Variants in TXN2 observed in about 807,000 individuals in gnomAD.
TXN2 encodes the protein thioredoxin 2.
Under a neutral mutation model 14.6 loss-of-function variants are expected in TXN2, and 12 were observed. That is an observed-to-expected ratio of 0.82 (90% CI 0.53 to 1.33). The LOEUF is 1.33. TXN2 is among the 40% of genes most tolerant of loss of function. The probability of loss-of-function intolerance (pLI) is 0.00; values close to 1 mark genes in which losing one functional copy is unlikely to be tolerated. For synonymous variants in TXN2, 89 were observed against 81.0 expected (o/e 1.10, Z -0.53); for missense variants, 173 against 207.7 (o/e 0.83, Z 1.03).
At chr22:36,471,740 A>G (rs1244657942) in intron 3 of TXN2, among the ~76,000 whole-genome samples, 36 of 152,288 alleles carry the variant, frequency 2.4e-4, no homozygotes, top group Admixed American at 2.0e-3. Flanking sequence ...AGGCTGAGGA[A>G]GGTGAATCAT....
chr22:36,472,489 C>T (rs1933301447), intron 3 of TXN2, among the ~76,000 whole-genome samples: 1 of 152,174 alleles, frequency 6.6e-6, no homozygotes, highest in East Asian at 1.9e-4. Context: ...AATGGACCAC[C>T]CTGGTATGGG....
At chr22:36,480,191 T>TG (rs2145828316) in intron 2 of TXN2, among the ~76,000 whole-genome samples, 1 of 152,316 alleles carries the variant, frequency 6.6e-6, no homozygotes, top group Admixed American at 6.5e-5. Context: ...CCGACACTGA[T>TG]AACTTTTTGC....
intron 3 of TXN2, among the ~76,000 whole-genome samples, chr22:36,468,201 G>A (rs1325775566): frequency 6.6e-6 from 1 of 152,198 alleles, no homozygotes; most frequent in Non-Finnish European, 1.5e-5. Context: ...TGGAATGACA[G>A]GAGAGATGAA....
At chr22:36,469,127 A>G (rs1246682704) in intron 3 of TXN2, among the ~76,000 whole-genome samples, 1 of 152,246 alleles carries the variant, frequency 6.6e-6, no homozygotes, top group Non-Finnish European at 1.5e-5. Flanking sequence ...CCTACCAGCC[A>G]GGTGAGCTGG....
chr22:36,481,342 A>G (rs1933498501), intron 1 of TXN2: 1 of 154,998 alleles, frequency 6.5e-6, no homozygotes. Context: ...GGAGGAACTA[A>G]GAGTGTGAGA....
At chr22:36,468,717 C>A (rs893078257) in intron 3 of TXN2, 1 of 425,922 alleles carries the variant, frequency 2.3e-6, no homozygotes, top group South Asian at 1.6e-5. Flanking sequence ...AGAGACCCTG[C>A]CTCAAAAAAA....
chr22:36,480,666 A>C lies in TXN2; in HGVS notation c.172T>G (p.Ser58Ala). The change falls in exon 2 of 4, where the codon TCC becomes GCC. Residue 58 changes from serine (S) to alanine (A), a missense_variant. Transcript: ENST00000216185. ...TCCTGGATATTAAAGGTTGTCAAGG[A>C]GATCCTCGTGGTGTATATTGTCCGG... Reference protein sequence around the residue: ...PARTIYTTRISLTTFNIQDGP... With the variant: ...PARTIYTTRIALTTFNIQDGP... The C allele has an allele frequency of 1.2e-6, 2 of 1,614,172 alleles. No individual in the cohort carries two copies. The highest frequency in any genetic ancestry group is 1.7e-6 in the Non-Finnish European group (2 of 1,180,040).
chr22:36,474,138 G>T (rs1933339830), intron 3 of TXN2, among the ~76,000 whole-genome samples: 1 of 152,142 alleles, frequency 6.6e-6, no homozygotes, highest in African/African-American at 2.4e-5. Flanking sequence ...CATCCAAATG[G>T]GCAGATAGAT....
At chr22:36,477,858 C>G (rs973196026) in intron 2 of TXN2, among the ~76,000 whole-genome samples, 1 of 152,124 alleles carries the variant, frequency 6.6e-6, no homozygotes, top group Non-Finnish European at 1.5e-5. Context: ...TTTCTTTGGC[C>G]GGGTGCGGTG....
intron 1 of TXN2, 148 bp from the exon 2 acceptor site, chr22:36,480,985 T>A: frequency 2.2e-6 from 2 of 898,044 alleles, no homozygotes; most frequent in Non-Finnish European, 3.1e-6. Context: ...AGCGTGGAAG[T>A]GAGGAAGCAA....
chr22:36,471,842 C>T (rs10222216), intron 3 of TXN2, among the ~76,000 whole-genome samples: 8,507 of 151,970 alleles, frequency 0.056, 336 homozygotes, highest in Non-Finnish European at 0.085. Context: ...TGGTGGCTCA[C>T]GCCTGTAATT....
intron 3 of TXN2, 41 bp from the exon 4 acceptor site, chr22:36,467,958 G>A: frequency 6.5e-7 from 1 of 1,546,554 alleles, no homozygotes; most frequent in Non-Finnish European, 8.9e-7. Flanking sequence ...AATTGGGAGT[G>A]AATACTTCTC....
chr22:36,471,356 CG>C (rs1182757609), intron 3 of TXN2, among the ~76,000 whole-genome samples: 1 of 152,102 alleles, frequency 6.6e-6, no homozygotes, highest in Non-Finnish European at 1.5e-5. Context: ...TCTGCTAACC[CG>C]TAGCTCGCCT....
chr22:36,467,824 G>T lies in TXN2; in HGVS notation c.481C>A (p.Leu161Met), dbSNP rs867138152. ...IKDEDQLEAF[L>M]KKLIG ...GCTTGTCAGCCAATCAGCTTCTTCA[G>T]GAAGGCCTCCAACTGATCCTCATCC... Residue 161 changes from leucine to methionine, a missense_variant, in exon 4 of 4, where the codon CTG becomes ATG. By Grantham distance (15) the Leu-to-Met change is conservative (BLOSUM62 2). Transcript: ENST00000216185. 1 of 1,613,864 alleles carries T rather than the reference G, an allele frequency of 6.2e-7. No individual in the cohort carries two copies. The highest frequency in any genetic ancestry group is 8.5e-7 in the Non-Finnish European group (1 of 1,180,016).
intron 3 of TXN2, among the ~76,000 whole-genome samples, chr22:36,475,194 A>G (rs1933361831): frequency 6.6e-6 from 1 of 151,658 alleles, no homozygotes; most frequent in East Asian, 1.9e-4. Context: ...CCTGGCTAAC[A>G]TGGTGAAACC....
chr22:36,472,281 A>C (rs1395917640), intron 3 of TXN2, among the ~76,000 whole-genome samples: 1 of 152,106 alleles, frequency 6.6e-6, no homozygotes, highest in Admixed American at 6.6e-5. Flanking sequence ...GCCTGGAGGG[A>C]GGAGGAAGGA....
At chr22:36,478,548 G>A (rs1345807608) in intron 2 of TXN2, among the ~76,000 whole-genome samples, 1 of 152,158 alleles carries the variant, frequency 6.6e-6, no homozygotes, top group African/African-American at 2.4e-5. Flanking sequence ...GGAGTGCAAT[G>A]GCGCGATCTC....
At chr22:36,468,463 T>A in intron 3 of TXN2, 1 of 303,912 alleles carries the variant, frequency 3.3e-6, no homozygotes, top group East Asian at 1.1e-4. Flanking sequence ...GTGGCTTATA[T>A]CTATAATCCC....
chr22:36,476,851 C>CGG lies in TXN2; in HGVS notation c.268_269insCC (p.Cys90SerfsTer12), dbSNP rs767591623. The CGG allele has an allele frequency of 1.9e-5, 31 of 1,614,224 alleles. No homozygotes were observed. Among genetic ancestry groups the CGG allele is most frequent in the Non-Finnish European group, 2.5e-5 (29 of 1,180,038 alleles). On this transcript the variant is annotated frameshift_variant, in exon 3 of 4. Transcript: ENST00000216185. LOFTEE classifies it high-confidence loss of function. ...CGGCCCCAGGATCTTGCAGGGTCCACACCACCTCAAAAGGCGAGAAAGGAA... is the reference window on the plus strand; with the variant it reads ...CGGCCCCAGGATCTTGCAGGGTCCACGGACCACCTCAAAAGGCGAGAAAGGAA...
Sources: gnomAD v4.1 joint callset for allele counts (sites outside exome capture counted in the v4.1 genomes callset) on GRCh38, gnomAD v4.1.1 for gene constraint, MANE v1.5 for transcripts, NCBI Gene and HGNC (gene_info 2026-07-23, HGNC 2026-07-21) for gene names.